Variants in CA5B observed in about 807,000 individuals in gnomAD.
The protein encoded by CA5B is carbonic anhydrase 5B.
Under a neutral mutation model 23.1 loss-of-function variants are expected in CA5B, and 15 were observed. That is an observed-to-expected ratio of 0.65 (90% confidence interval 0.43 to 1.00). The LOEUF (loss-of-function observed/expected upper bound fraction) is 1.00. Among genes scored for constraint, CA5B ranks in the 50% least tolerant of loss-of-function variants. CA5B has a pLI of 0.00. For missense variants in CA5B, 236 were observed against 252.2 expected (o/e 0.94, Z 0.43); for synonymous variants, 84 against 98.5 (o/e 0.85, Z 0.87).
chrX:15,741,969 G>A (rs1931131825), intron 1 of CA5B, among the ~76,000 whole-genome samples: 1 of 111,789 alleles, frequency 8.9e-6, no homozygotes, highest in Non-Finnish European at 1.9e-5. Flanking sequence ...TCACTGCCCA[G>A]TTCAGTGCTT....
intron 7 of CA5B, among the ~76,000 whole-genome samples, chrX:15,781,937 A>T (rs1336434854): frequency 1.8e-5 from 2 of 109,928 alleles, no homozygotes; most frequent in Non-Finnish European, 3.8e-5. Flanking sequence ...CAAAAAAAAA[A>T]AGAAAGAAAG....
chrX:15,786,617 C>A lies in CA5B; in HGVS notation c.*3953C>A, dbSNP rs1030520759. The A allele has an allele frequency of 2.8e-5, 3 of 105,342 alleles. No individual in the cohort carries two copies. The highest frequency in any genetic ancestry group is 1.0e-4 in the African/African-American group (3 of 28,695). The allele number at this position is 105,342 out of a possible 1,213,427, so 8.7% of individuals were successfully genotyped here. ...TAAATAATACTAGATCGATACAATG[C>A]TTTCTTTACAGTATTAGTGGTTGGT... On this transcript the variant is annotated 3_prime_UTR_variant, in exon 8 of 8. Coordinates refer to ENST00000318636, the MANE Select transcript of CA5B (RefSeq NM_007220.4).
At chrX:15,781,274 G>A (rs1263248193) in intron 7 of CA5B, among the ~76,000 whole-genome samples, 1 of 111,317 alleles carries the variant, frequency 9.0e-6, no homozygotes, top group Non-Finnish European at 1.9e-5. Context: ...ACCACGCCCG[G>A]CCTAAGTAAA....
chrX:15,773,788 A>G (rs1217775415), intron 4 of CA5B, among the ~76,000 whole-genome samples: 1 of 111,341 alleles, frequency 9.0e-6, no homozygotes, highest in Non-Finnish European at 1.9e-5. Context: ...TGCTGGATTC[A>G]AGTGATTCTC....
intron 2 of CA5B, among the ~76,000 whole-genome samples, chrX:15,753,916 A>T (rs1931437680): frequency 8.9e-6 from 1 of 112,503 alleles, no homozygotes; most frequent in Admixed American, 9.4e-5. Flanking sequence ...CTCCCAAAAA[A>T]TAAATAAATG....
chrX:15,739,823 G>T (rs1384144918), intron 1 of CA5B, among the ~76,000 whole-genome samples: 1 of 111,808 alleles, frequency 8.9e-6, no homozygotes. Flanking sequence ...TCTCAGTCAA[G>T]ATATCGCAGC....
chrX:15,777,533 A>AC (rs1400329033), intron 7 of CA5B, among the ~76,000 whole-genome samples: 1 of 111,086 alleles, frequency 9.0e-6, no homozygotes, highest in African/African-American at 3.3e-5. Flanking sequence ...CAAAGATTGG[A>AC]CCCCCCTCTG....
intron 6 of CA5B, 95 bp downstream of exon 6, chrX:15,775,403 A>G: frequency 1.8e-6 from 2 of 1,089,765 alleles, no homozygotes; most frequent in Non-Finnish European, 2.4e-6. Flanking sequence ...GGGAAGTTTA[A>G]TTAGGTGAAC....
At chrX:15,775,372 A>G (rs928323742) in intron 6 of CA5B, 64 bp downstream of exon 6, 1 of 1,136,133 alleles carries the variant, frequency 8.8e-7, no homozygotes, top group African/African-American at 1.8e-5. Flanking sequence ...GAGCGGAGAC[A>G]TTACCAAGGC....
chrX:15,756,978 C>T (rs1191612744), intron 2 of CA5B, among the ~76,000 whole-genome samples: 3 of 103,369 alleles, frequency 2.9e-5, no homozygotes, highest in Non-Finnish European at 3.9e-5. Flanking sequence ...TGGCAGGAAC[C>T]GGGGAGGCAG....
chrX:15,784,013 G>A lies in CA5B; in HGVS notation c.*1349G>A, dbSNP rs1425597294. On this transcript the variant is annotated 3_prime_UTR_variant, in exon 8 of 8. Transcript: ENST00000318636. ...AGCGATTCTCCTGCCTCAGCCTCCT[G>A]AGTAACTGGGACTACAGGCACATGC... 2 of 103,874 alleles carry A rather than the reference G, an allele frequency of 1.9e-5. No homozygotes were observed. Among genetic ancestry groups the A allele is most frequent in the Admixed American group, 2.2e-4 (2 of 9,264 alleles). The allele number at this position is 103,874 out of a possible 1,213,427, so 8.6% of individuals were successfully genotyped here.
At chrX:15,776,129 G>A in intron 6 of CA5B, 1 of 391,047 alleles carries the variant, frequency 2.6e-6, no homozygotes, top group Non-Finnish European at 3.2e-6. Context: ...ACGAGGTCAG[G>A]AGATCGAGAC....
In CA5B at chrX:15,786,530, G is replaced by A. The variant is rs983271674; in HGVS notation, c.*3866G>A. The stretch of plus-strand genomic sequence containing the variant: ...TCCTAGACATAAAGGTGGAAAATGG[G>A]CCTAAGGTCTGTCAAAGGTCTTGGA... On this transcript the variant is annotated 3_prime_UTR_variant, in exon 8 of 8. Coordinates refer to ENST00000318636, the MANE Select transcript of CA5B (RefSeq NM_007220.4). 9.0e-6 allele frequency: 1 copy of A among 110,913 alleles called. No individual in the cohort carries two copies. Among genetic ancestry groups the A allele is most frequent in the Non-Finnish European group, 1.9e-5 (1 of 53,003 alleles). 9.1% of individuals were successfully genotyped at this position (110,913 alleles called of 1,213,427 possible). A position where few individuals can be genotyped will look rare whatever the true frequency, so the allele number is the denominator to read the frequency against.
chrX:15,752,422 T>C (rs1931379588), intron 2 of CA5B, among the ~76,000 whole-genome samples: 1 of 112,122 alleles, frequency 8.9e-6, no homozygotes, highest in South Asian at 3.6e-4. Flanking sequence ...GGGGGAAAAT[T>C]TGTATCTGTA....
In CA5B at chrX:15,786,642, T is replaced by G. The variant is rs1932122313; in HGVS notation, c.*3978T>G. On this transcript the variant is annotated 3_prime_UTR_variant, in exon 8 of 8. Coordinates refer to ENST00000318636, the MANE Select transcript of CA5B (RefSeq NM_007220.4). ...CTTTCTTTACAGTATTAGTGGTTGG[T>G]GAAAGACTTCCTTCCTATTGTTACA... 1 of 87,974 alleles carries G rather than the reference T, an allele frequency of 1.1e-5. No homozygotes were observed. Among genetic ancestry groups the G allele is most frequent in the African/African-American group, 4.3e-5 (1 of 23,412 alleles). The allele number at this position is 87,974 out of a possible 1,213,427, so 7.3% of individuals were successfully genotyped here.
intron 3 of CA5B, among the ~76,000 whole-genome samples, chrX:15,771,805 A>G (rs779834517): frequency 6.3e-5 from 7 of 110,653 alleles, no homozygotes; most frequent in South Asian, 7.6e-4. Flanking sequence ...TGATATATGT[A>G]TGCATTGTGG....
chrX:15,769,696 A>C, intron 3 of CA5B: 2 of 449,383 alleles, frequency 4.5e-6, no homozygotes, highest in Non-Finnish European at 5.5e-6. Flanking sequence ...AAACACACAC[A>C]CACACAGTTT....
At chrX:15,760,925 ATTTTATT>A (rs2147261220) in intron 2 of CA5B, among the ~76,000 whole-genome samples, 1 of 111,786 alleles carries the variant, frequency 8.9e-6, no homozygotes, top group South Asian at 3.7e-4. Flanking sequence ...GCATATGTTT[ATTTTATT>A]TTTTATTTTT....
intron 3 of CA5B, chrX:15,766,777 A>G: frequency 4.4e-6 from 1 of 225,617 alleles, no homozygotes; most frequent in Non-Finnish European, 8.2e-6. Flanking sequence ...ATACTGATAT[A>G]TGTTCTTTTA....
Sources: gnomAD v4.1 joint callset for allele counts (sites outside exome capture counted in the v4.1 genomes callset) on GRCh38, gnomAD v4.1.1 for gene constraint, MANE v1.5 for transcripts, NCBI Gene and HGNC (gene_info 2026-07-23, HGNC 2026-07-21) for gene names.